Variants in ANO6 observed in about 807,000 individuals in gnomAD.
The protein encoded by ANO6 is anoctamin 6.
ANO6 carries 106 observed loss-of-function variants against 117.5 expected under a neutral mutation model. The ratio of observed to expected loss-of-function variants is 0.90; its 90% CI spans 0.77 to 1.06. The LOEUF is 1.06. Ranked by LOEUF, ANO6 falls within the 50% of genes least tolerant of loss-of-function variation. ANO6 has a pLI of 0.00. For synonymous variants in ANO6, 367 were observed against 385.1 expected (o/e 0.95, Z 0.55); for missense variants, 955 against 1,121.1 (o/e 0.85, Z 2.12).
At chr12:45,357,705 G>A (rs955359595) in intron 8 of ANO6, among the ~76,000 whole-genome samples, 1 of 152,220 alleles carries the variant, frequency 6.6e-6, no homozygotes, top group Non-Finnish European at 1.5e-5. Flanking sequence ...CTGGAGGCGG[G>A]AGGATTGCCC....
chr12:45,359,589 T>C (rs1373625151), intron 8 of ANO6, among the ~76,000 whole-genome samples: 1 of 152,198 alleles, frequency 6.6e-6, no homozygotes, highest in African/African-American at 2.4e-5. Context: ...ACCTACTGTT[T>C]TCAAGGTTCA....
intron 1 of ANO6, among the ~76,000 whole-genome samples, chr12:45,264,757 T>G (rs1462836591): frequency 6.6e-6 from 1 of 152,226 alleles, no homozygotes; most frequent in Non-Finnish European, 1.5e-5. Context: ...CATTGTTTTG[T>G]ATTAGACAAA....
intron 1 of ANO6, among the ~76,000 whole-genome samples, chr12:45,270,972 G>C (rs1445473249): frequency 6.6e-6 from 1 of 152,058 alleles, no homozygotes; most frequent in Non-Finnish European, 1.5e-5. Flanking sequence ...CACCCACCTC[G>C]GCCTCCCAAA....
chr12:45,320,250 G>A (rs1263481899), intron 2 of ANO6, among the ~76,000 whole-genome samples: 1 of 151,826 alleles, frequency 6.6e-6, no homozygotes, highest in Non-Finnish European at 1.5e-5. Context: ...TCTCTTGTGG[G>A]CATTTAGTGC....
intron 1 of ANO6, among the ~76,000 whole-genome samples, chr12:45,286,709 C>G (rs1280433837): frequency 6.6e-6 from 1 of 152,188 alleles, no homozygotes; most frequent in Non-Finnish European, 1.5e-5. Context: ...TTTTTCCCCT[C>G]TCATTTGCAA....
chr12:45,302,083 C>A lies in ANO6; in HGVS notation c.140C>A (p.Thr47Asn). The stretch of plus-strand genomic sequence containing the variant: ...CTGGAAAGTCAGCATGATTTTCGAA[C>A]CCCGGAGTTTGTGAGTACTATTCCT... Reference protein sequence around the residue: ...GSLESQHDFRTPEFEEFNGKP... With the variant: ...GSLESQHDFRNPEFEEFNGKP... Residue 47 changes from threonine to asparagine, a missense_variant, in exon 2 of 20, where the codon ACC (threonine) becomes AAC (asparagine). Physicochemically the swap from Thr to Asn is moderately conservative, Grantham distance 65. Coordinates refer to ENST00000320560, the MANE Select transcript of ANO6 (RefSeq NM_001025356.3). 2 of 1,613,782 alleles carry A rather than the reference C, an allele frequency of 1.2e-6. No homozygotes were observed. The highest frequency in any genetic ancestry group is 1.7e-6 in the Non-Finnish European group (2 of 1,179,756).
At chr12:45,222,763 T>A (rs1399909883) in intron 1 of ANO6, among the ~76,000 whole-genome samples, 1 of 152,240 alleles carries the variant, frequency 6.6e-6, no homozygotes, top group African/African-American at 2.4e-5. Context: ...TGTCTGAATG[T>A]AGGCCATAAG....
In ANO6 at chr12:45,270,396, G is replaced by A; in HGVS notation, c.71-31618G>A. On this transcript the variant is annotated intron_variant, in intron 1 of 19. Transcript: ENST00000320560. ...CAGGTCTGATGCCGCCTCCTGCTCTGTCTGCAGCCTAACACCATCCCTTAT... is the reference window on the plus strand; with the variant it reads ...CAGGTCTGATGCCGCCTCCTGCTCTATCTGCAGCCTAACACCATCCCTTAT... 4.7e-6 allele frequency: 7 copies of A among 1,474,366 alleles called. No homozygotes were observed. The South Asian group carries it at 9.7e-5, about 20-fold the overall frequency. The allele number at this position is 1,474,366 out of a possible 1,614,324, so 91.3% of individuals were successfully genotyped here.
At position 45,267,351 on chromosome 12, in the gene ANO6, GCA is replaced by G. The variant is rs533809766; in HGVS notation, c.71-34659_71-34658del. On this transcript the variant is annotated intron_variant, in intron 1 of 19. Coordinates refer to ENST00000320560, the MANE Select transcript of ANO6 (RefSeq NM_001025356.3). ...AGGACACCAGTCTGATTGGATTAGG[GCA>G]CACTCTCACACTCTCATTTTCAACT... 5.9e-5 allele frequency among the ~76,000 whole-genome samples: 9 copies of G among 152,092 alleles called. No individual in the cohort carries two copies. In the South Asian group the frequency reaches 1.7e-3, roughly 28 times the overall value.
intron 1 of ANO6, among the ~76,000 whole-genome samples, chr12:45,291,693 C>A (rs1362752625): frequency 6.6e-6 from 1 of 151,960 alleles, no homozygotes; most frequent in Non-Finnish European, 1.5e-5. Flanking sequence ...TATCTAATAG[C>A]ACAGGAGGGA....
chr12:45,227,291 A>G (rs867113732), intron 1 of ANO6, among the ~76,000 whole-genome samples: 2 of 152,176 alleles, frequency 1.3e-5, no homozygotes, highest in Non-Finnish European at 2.9e-5. Context: ...CTGATCTTAG[A>G]TGCTGCTTAA....
intron 1 of ANO6, among the ~76,000 whole-genome samples, chr12:45,237,532 G>A (rs910062518): frequency 6.6e-6 from 1 of 152,188 alleles, no homozygotes; most frequent in Admixed American, 6.5e-5. Flanking sequence ...TCAGTTGGTT[G>A]TAGATGTGTG....
chr12:45,265,421 C>T (rs533072045), intron 1 of ANO6, among the ~76,000 whole-genome samples: 5 of 152,256 alleles, frequency 3.3e-5, no homozygotes, highest in Middle Eastern at 6.8e-3. Context: ...TTTGTTCTTG[C>T]TCATTTTCTT....
intron 1 of ANO6, among the ~76,000 whole-genome samples, chr12:45,238,332 G>A (rs1221653139): frequency 6.6e-6 from 1 of 151,714 alleles, no homozygotes; most frequent in Non-Finnish European, 1.5e-5. Context: ...TCTATTTTTA[G>A]TAGAGACGGG....
At chr12:45,250,747 A>G (rs964225673) in intron 1 of ANO6, among the ~76,000 whole-genome samples, 4 of 146,676 alleles carry the variant, frequency 2.7e-5, no homozygotes, top group African/African-American at 1.0e-4. Context: ...CTTTATGGAC[A>G]TGCTCTGGTT....
chr12:45,310,608 A>C (rs796644995), intron 2 of ANO6, among the ~76,000 whole-genome samples: 2 of 152,096 alleles, frequency 1.3e-5, no homozygotes, highest in South Asian at 4.1e-4. Flanking sequence ...AGTGAACTTT[A>C]GATTGATAAT....
intron 1 of ANO6, among the ~76,000 whole-genome samples, chr12:45,296,840 G>C (rs1939311734): frequency 6.6e-6 from 1 of 152,168 alleles, no homozygotes; most frequent in South Asian, 2.1e-4. Flanking sequence ...AATAAGATAA[G>C]ACATTTAGAA....
chr12:45,326,233 C>T (rs1156560137), intron 2 of ANO6, among the ~76,000 whole-genome samples: 6 of 152,124 alleles, frequency 3.9e-5, no homozygotes, highest in African/African-American at 1.2e-4. Context: ...CAAGGCATTT[C>T]ATGGCACAAT....
chr12:45,435,175 A>G (rs1427413716), downstream of ANO6, among the ~76,000 whole-genome samples: 1 of 152,160 alleles, frequency 6.6e-6, no homozygotes, highest in Admixed American at 6.5e-5. Flanking sequence ...GGGTTTTCCT[A>G]TTGTATTCAG....
Sources: allele counts gnomAD v4.1 joint callset (sites outside exome capture counted in the v4.1 genomes callset), GRCh38; gene constraint gnomAD v4.1.1; transcripts MANE v1.5; gene names NCBI Gene and HGNC (gene_info 2026-07-23, HGNC 2026-07-21).